MROH1: variants seen among roughly 807,000 people sequenced by gnomAD.
The protein encoded by MROH1 is maestro heat-like repeat-containing protein family member 1.
Under a neutral mutation model 116.5 loss-of-function variants are expected in MROH1, and 117 were observed. The observed-to-expected ratio is 1.00, with a 90% confidence interval of 0.86 to 1.17. The LOEUF (loss-of-function observed/expected upper bound fraction) is 1.17, where lower values mean the gene tolerates loss of function less well. MROH1 is among the 50% of genes most tolerant of loss of function. The pLI is 0.00. For missense variants in MROH1, 1,873 were observed against 1,338.5 expected (o/e 1.40, Z -6.23); for synonymous variants, 921 against 583.9 (o/e 1.58, Z -8.32).
intron 36 of MROH1, 150 bp from the exon 37 acceptor site, chr8:144,259,090 G>A (rs994241984): frequency 3.9e-5 from 26 of 674,456 alleles, no homozygotes; most frequent in South Asian, 1.1e-4. Context: ...GAGGCCTGGC[G>A]AGGCAAGCTG....
intron 12 of MROH1, among the ~76,000 whole-genome samples, chr8:144,203,561 A>T (rs1832162633): frequency 6.7e-6 from 1 of 148,304 alleles, no homozygotes; most frequent in African/African-American, 2.5e-5. Flanking sequence ...TCTGGAGGGG[A>T]AGAGAGAGAA....
chr8:144,249,294 C>G (rs1460166595), intron 32 of MROH1, among the ~76,000 whole-genome samples: 1 of 152,000 alleles, frequency 6.6e-6, no homozygotes, highest in Non-Finnish European at 1.5e-5. Context: ...TTGGCAAAAA[C>G]AAGTGCTGAG....
chr8:144,252,636 C>G (rs1843023922), intron 33 of MROH1: 1 of 150,096 alleles, frequency 6.7e-6, no homozygotes, highest in Non-Finnish European at 1.5e-5. Context: ...CCACTGCACT[C>G]CAGCCTGGGC....
chr8:144,202,126 C>T (rs1831312709), intron 12 of MROH1, among the ~76,000 whole-genome samples: 1 of 152,186 alleles, frequency 6.6e-6, no homozygotes, highest in East Asian at 1.9e-4. Flanking sequence ...CACCTCAGGA[C>T]ACCTTCAGCG....
chr8:144,205,535 C>T (rs1020459313), intron 12 of MROH1, among the ~76,000 whole-genome samples: 1 of 151,384 alleles, frequency 6.6e-6, no homozygotes, highest in African/African-American at 2.4e-5. Context: ...CACACACACA[C>T]ACGCATGCAT....
In MROH1 at chr8:144,157,275, C is replaced by CT. The variant is rs1818390728; in HGVS notation, c.-176-3693dup. The stretch of plus-strand genomic sequence containing the variant: ...TTTTGTATTTTTAGTATAGACAGGG[C>CT]TTCACCATGTTGGCCAGGCTGGTCT... On this transcript the variant is annotated intron_variant, in intron 1 of 43. Coordinates refer to ENST00000326134, the MANE Select transcript of MROH1 (RefSeq NM_032450.3). 3.3e-5 allele frequency among the ~76,000 whole-genome samples: 5 copies of CT among 151,874 alleles called. No homozygotes were observed. In the South Asian group the frequency reaches 1.0e-3, roughly 32 times the overall value.
chr8:144,232,814 ATTT>A (rs1839193364), intron 14 of MROH1, among the ~76,000 whole-genome samples: 2 of 147,524 alleles, frequency 1.4e-5, no homozygotes, highest in Non-Finnish European at 3.0e-5. Context: ...TTATTTATTT[ATTT>A]ATTTATTTAT....
intron 19 of MROH1, 122 bp from the exon 20 acceptor site, chr8:144,240,448 C>T (rs1249799426): frequency 1.9e-5 from 13 of 696,722 alleles, no homozygotes; most frequent in East Asian, 8.1e-5. Flanking sequence ...CTGCCGCCCC[C>T]GGCCTCCGCT....
intron 14 of MROH1, among the ~76,000 whole-genome samples, chr8:144,224,112 A>G (rs1357637179): frequency 6.6e-6 from 1 of 152,120 alleles, no homozygotes; most frequent in Non-Finnish European, 1.5e-5. Context: ...TGAACTGGAG[A>G]GCCAAGGCCT....
intron 33 of MROH1, 59 bp downstream of exon 33, chr8:144,250,425 G>A: frequency 1.4e-6 from 1 of 714,920 alleles, no homozygotes; most frequent in Non-Finnish European, 2.6e-6. Context: ...CCCCTGGAAT[G>A]ATGCTCCCCG....
chr8:144,231,509 G>A (rs566088884), intron 14 of MROH1, among the ~76,000 whole-genome samples: 1 of 152,280 alleles, frequency 6.6e-6, no homozygotes, highest in South Asian at 2.1e-4. Flanking sequence ...GTCTTTCAGG[G>A]AGCAGGGAGA....
In MROH1 at chr8:144,173,870, G is replaced by T. The variant is rs529894665; in HGVS notation, c.168+5430G>T. 2.5e-4 allele frequency among the ~76,000 whole-genome samples: 38 copies of T among 152,272 alleles called. No individual in the cohort carries two copies. The South Asian group carries it at 2.9e-3, about 12-fold the overall frequency. ...TGAGCTCTTACACCACACCCAAGAA[G>T]AATGAGGATACAGTGGACATTGAAG... On this transcript the variant is annotated intron_variant, in intron 4 of 43. Coordinates refer to ENST00000326134, the MANE Select transcript of MROH1 (RefSeq NM_032450.3).
At position 144,191,697 on chromosome 8, in the gene MROH1, C is replaced by A. The variant is rs1564438641; in HGVS notation, c.715-18C>A. 1.9e-6 allele frequency: 3 copies of A among 1,611,320 alleles called. No individual in the cohort carries two copies. Among genetic ancestry groups the A allele is most frequent in the Non-Finnish European group, 2.5e-6 (3 of 1,179,430 alleles). On this transcript the variant is annotated intron_variant, in intron 8 of 43. Transcript: ENST00000326134. ...TTGACTGAGCAGCGTAAGCTTCCCG[C>A]CCACTGTCCCCTCTCAGCTCCGTCT...
chr8:144,244,375 A>G, intron 27 of MROH1, 39 bp downstream of exon 27: 2 of 722,952 alleles, frequency 2.8e-6, no homozygotes, highest in South Asian at 2.9e-5. Context: ...CACATCCGTG[A>G]GAGTGGTGGG....
At chr8:144,217,209 CAG>C (rs375360004) in intron 12 of MROH1, among the ~76,000 whole-genome samples, 3 of 152,114 alleles carry the variant, frequency 2.0e-5, no homozygotes, top group Non-Finnish European at 4.4e-5. Context: ...TCAGGAGTGA[CAG>C]GGGTGGCAGA....
At position 144,243,980 on chromosome 8, in the gene MROH1, CGTGTGTGCGTGCAT is replaced by C. The variant is rs1200505099; in HGVS notation, c.2555+47_2555+60del. Reference sequence around the variant, plus strand: ...GCCTCTGCACAGGCCCGTGCAGCTGCGTGTGTGCGTGCATGTGTGTGCATTGTGTGTGCACGTGT... The same window carrying C: ...GCCTCTGCACAGGCCCGTGCAGCTGCGTGTGTGCATTGTGTGTGCACGTGT... On this transcript the variant is annotated intron_variant, in intron 26 of 43. Coordinates refer to ENST00000326134, the MANE Select transcript of MROH1 (RefSeq NM_032450.3). 5.8e-5 allele frequency: 45 copies of C among 770,456 alleles called. No individual in the cohort carries two copies. In the East Asian group the frequency reaches 7.1e-4, roughly 12 times the overall value. 47.7% of individuals were successfully genotyped at this position (770,456 alleles called of 1,614,324 possible).
At chr8:144,155,922 T>C (rs1490341059) in intron 1 of MROH1, among the ~76,000 whole-genome samples, 3 of 147,644 alleles carry the variant, frequency 2.0e-5, no homozygotes, top group African/African-American at 7.4e-5. Flanking sequence ...CCTGAGCCAC[T>C]GCACCCGGCC....
intron 11 of MROH1, 67 bp downstream of exon 11, chr8:144,199,267 T>C (rs545472451): frequency 9.0e-5 from 134 of 1,496,160 alleles, no homozygotes; most frequent in Non-Finnish European, 1.0e-4. Flanking sequence ...GCCTGCTGTA[T>C]GTGGAGGATG....
intron 12 of MROH1, among the ~76,000 whole-genome samples, chr8:144,214,749 C>T (rs1834898608): frequency 1.3e-5 from 2 of 151,966 alleles, no homozygotes; most frequent in South Asian, 2.1e-4. Flanking sequence ...TTGGGTTGTT[C>T]GTTTATATTC....
Sources: allele counts gnomAD v4.1 joint callset (sites outside exome capture counted in the v4.1 genomes callset), GRCh38; gene constraint gnomAD v4.1.1; transcripts MANE v1.5; gene names NCBI Gene and HGNC (gene_info 2026-07-23, HGNC 2026-07-21).